SLC17A6: variants seen among roughly 807,000 people sequenced by gnomAD.
SLC17A6 encodes solute carrier family 17 member 6.
SLC17A6 carries 35 observed loss-of-function variants against 67.1 expected under a neutral mutation model. The ratio of observed to expected loss-of-function variants is 0.52; its 90% CI spans 0.40 to 0.69. SLC17A6 has a LOEUF of 0.69. SLC17A6 is among the 30% of genes least tolerant of loss of function. SLC17A6 has a pLI of 0.00. For synonymous variants in SLC17A6, 285 were observed against 252.3 expected, an observed-to-expected ratio of 1.13 and a Z score of -1.23; for missense variants, 588 against 723.9, an observed-to-expected ratio of 0.81 and a Z score of 2.15.
intron 3 of SLC17A6, among the ~76,000 whole-genome samples, chr11:22,348,458 C>T (rs888278477): frequency 2.0e-5 from 3 of 152,150 alleles, no homozygotes; most frequent in African/African-American, 7.2e-5. Flanking sequence ...CTGCCCTTTT[C>T]TCCGCAAAAG....
rs558163180 is a variant in SLC17A6 at position 22,362,027 on chromosome 11, C to CT, written c.662-701dup. On this transcript the variant is annotated intron_variant, in intron 5 of 11. Coordinates refer to ENST00000263160, the MANE Select transcript of SLC17A6 (RefSeq NM_020346.3). Reference sequence around the variant, plus strand: ...CCATTTCTGTCTATATGTCTAAGACCTTTTTTTTTTTACAATTGCCTTTAA... The same window carrying CT: ...CCATTTCTGTCTATATGTCTAAGACCTTTTTTTTTTTTACAATTGCCTTTAA... Among the ~76,000 whole-genome samples the CT allele has an allele frequency of 5.5e-3, 806 of 145,892 alleles. 7 individuals carry two copies. The highest frequency in any genetic ancestry group is 0.038 in the South Asian group (177 of 4,602).
At chr11:22,360,507 C>A (rs1472439829) in intron 4 of SLC17A6, among the ~76,000 whole-genome samples, 2 of 148,300 alleles carry the variant, frequency 1.3e-5, no homozygotes, top group African/African-American at 5.0e-5. Context: ...AAAAACGAAA[C>A]CAAAAAACCC....
intron 6 of SLC17A6, among the ~76,000 whole-genome samples, chr11:22,364,358 T>G (rs933027647): frequency 6.6e-6 from 1 of 152,150 alleles, no homozygotes; most frequent in Non-Finnish European, 1.5e-5. Context: ...TACTTGTTGA[T>G]TTATATATTA....
intron 6 of SLC17A6, among the ~76,000 whole-genome samples, chr11:22,364,990 G>T (rs1856093882): frequency 6.6e-6 from 1 of 152,036 alleles, no homozygotes; most frequent in Non-Finnish European, 1.5e-5. Flanking sequence ...GAAGTACAGA[G>T]GCCCACTTTT....
In SLC17A6 at chr11:22,379,193, TATG is replaced by T. The variant is rs1487782383; in HGVS notation, c.*1456_*1458del. On this transcript the variant is annotated 3_prime_UTR_variant, in exon 12 of 12. Coordinates refer to ENST00000263160, the MANE Select transcript of SLC17A6 (RefSeq NM_020346.3). ...AGACCCCTTTATAATGTCCTAAAAT[TATG>T]ATAATACATTTCCCAATTCAACTCA... 1 of 152,540 alleles carries T rather than the reference TATG, an allele frequency of 6.6e-6. No individual in the cohort carries two copies. Among genetic ancestry groups the T allele is most frequent in the East Asian group, 1.9e-4 (1 of 5,200 alleles). The allele number at this position is 152,540 out of a possible 1,614,324, so 9.4% of individuals were successfully genotyped here.
chr11:22,352,151 T>C (rs1009278304), intron 3 of SLC17A6, among the ~76,000 whole-genome samples: 6 of 152,142 alleles, frequency 3.9e-5, no homozygotes, highest in Non-Finnish European at 8.8e-5. Context: ...CAGAGGCTGA[T>C]GAGGATCTAG....
chr11:22,343,456 G>A (rs1855842480), intron 3 of SLC17A6, 91 bp downstream of exon 3: 1 of 1,093,024 alleles, frequency 9.1e-7, no homozygotes, highest in Non-Finnish European at 1.3e-6. Flanking sequence ...ACAGCCCAGA[G>A]GGGTTTGAGG....
intron 7 of SLC17A6, 23 bp from the exon 8 acceptor site, chr11:22,370,016 T>A: frequency 6.2e-7 from 1 of 1,601,360 alleles, no homozygotes; most frequent in South Asian, 1.1e-5. Flanking sequence ...ATGGTCATAA[T>A]GTCTCTCTTT....
chr11:22,376,144 T>A (rs1856230313), intron 10 of SLC17A6, 52 bp downstream of exon 10: 1 of 1,267,874 alleles, frequency 7.9e-7, no homozygotes, highest in Non-Finnish European at 1.1e-6. Context: ...TTTTGACTGC[T>A]GATAAAAGAC....
chr11:22,338,690 C>A, intron 1 of SLC17A6, 71 bp downstream of exon 1: 1 of 1,095,336 alleles, frequency 9.1e-7, no homozygotes, highest in Non-Finnish European at 1.4e-6. Flanking sequence ...TTCCGTAAAC[C>A]CTGGTGGCTC....
intron 3 of SLC17A6, among the ~76,000 whole-genome samples, chr11:22,357,167 A>G (rs1856000903): frequency 6.6e-6 from 1 of 152,176 alleles, no homozygotes; most frequent in Non-Finnish European, 1.5e-5. Context: ...TAGTGATTTT[A>G]CTTATCTTAG....
intron 3 of SLC17A6, among the ~76,000 whole-genome samples, chr11:22,350,913 A>G (rs1855930454): frequency 1.3e-5 from 2 of 152,184 alleles, no homozygotes; most frequent in South Asian, 4.1e-4. Context: ...GTAATTTGCT[A>G]GAGTATTTCA....
At chr11:22,354,639 T>C (rs1855977842) in intron 3 of SLC17A6, among the ~76,000 whole-genome samples, 1 of 152,232 alleles carries the variant, frequency 6.6e-6, no homozygotes, top group East Asian at 1.9e-4. Context: ...GCATTGTTAA[T>C]GCCAGTACTC....
intron 3 of SLC17A6, among the ~76,000 whole-genome samples, chr11:22,354,602 T>C (rs1386133367): frequency 1.3e-5 from 2 of 152,174 alleles, no homozygotes; most frequent in Non-Finnish European, 2.9e-5. Context: ...TCTTTCAAAG[T>C]TTATGTTATT....
At chr11:22,351,231 C>T (rs188276408) in intron 3 of SLC17A6, among the ~76,000 whole-genome samples, 5 of 151,948 alleles carry the variant, frequency 3.3e-5, no homozygotes, top group Non-Finnish European at 4.4e-5. Context: ...ATAAGGCAGA[C>T]ATTCTTTCTT....
intron 8 of SLC17A6, among the ~76,000 whole-genome samples, chr11:22,373,037 T>C (rs1856191977): frequency 6.6e-6 from 1 of 152,212 alleles, no homozygotes; most frequent in Non-Finnish European, 1.5e-5. Flanking sequence ...ATTAACCCTG[T>C]AGATTTTTAG....
chr11:22,350,139 C>T (rs756181298), intron 3 of SLC17A6, among the ~76,000 whole-genome samples: 7 of 152,086 alleles, frequency 4.6e-5, no homozygotes, highest in Admixed American at 1.3e-4. Context: ...AAAGCGAACT[C>T]ATTATGGGCC....
At chr11:22,366,482 T>C (rs1270706964) in intron 7 of SLC17A6, among the ~76,000 whole-genome samples, 1 of 152,194 alleles carries the variant, frequency 6.6e-6, no homozygotes, top group East Asian at 1.9e-4. Context: ...AATTATTTTA[T>C]TGATAAAATA....
chr11:22,364,785 T>A (rs1319903949), intron 6 of SLC17A6, among the ~76,000 whole-genome samples: 11 of 152,164 alleles, frequency 7.2e-5, no homozygotes, highest in Non-Finnish European at 7.4e-5. Flanking sequence ...CTATTATTAA[T>A]GCTTACAGAT....
Sources: gnomAD v4.1 joint callset for allele counts (sites outside exome capture counted in the v4.1 genomes callset) on GRCh38, gnomAD v4.1.1 for gene constraint, MANE v1.5 for transcripts, NCBI Gene and HGNC (gene_info 2026-07-23, HGNC 2026-07-21) for gene names.